Variants in STK3 observed in about 807,000 individuals in gnomAD.
STK3 encodes serine/threonine kinase 3.
STK3 carries 41 observed loss-of-function variants against 58.0 expected under a neutral mutation model. The observed-to-expected ratio is 0.71, with a 90% CI of 0.55 to 0.92. STK3 has a LOEUF of 0.92. STK3 is among the 40% of genes least tolerant of loss of function. The pLI is 0.00. For synonymous variants in STK3, 170 were observed against 191.0 expected, an observed-to-expected ratio of 0.89 and a Z score of 0.91; for missense variants, 479 against 602.7, an observed-to-expected ratio of 0.79 and a Z score of 2.15.
At chr8:98,437,214 A>C (rs566620326) in intron 1 of STK3, 1 of 152,412 alleles carries the variant, frequency 6.6e-6, no homozygotes, top group African/African-American at 2.4e-5. Context: ...TCTATCTAAA[A>C]GACAGAAAAG....
At chr8:98,709,173 A>C (rs1826201593) in intron 4 of STK3, among the ~76,000 whole-genome samples, 1 of 152,190 alleles carries the variant, frequency 6.6e-6, no homozygotes, top group South Asian at 2.1e-4. Flanking sequence ...AATTTGATAG[A>C]AAATAGGATA....
intron 4 of STK3, among the ~76,000 whole-genome samples, chr8:98,717,292 T>C (rs890201480): frequency 5.3e-5 from 8 of 151,774 alleles, no homozygotes; most frequent in Non-Finnish European, 7.4e-5. Context: ...GATAAGACAT[T>C]AATATACAGA....
Position 98,848,252 on chromosome 8 carries a change from CTT to C in STK3, c.110+35393_110+35394del, listed in dbSNP as rs368641269. 9.0e-3 allele frequency among the ~76,000 whole-genome samples: 1,293 copies of C among 144,250 alleles called. 11 individuals carry two copies. The highest frequency in any genetic ancestry group is 0.031 in the African/African-American group (1,213 of 39,660). The allele number at this position is 144,250 out of a possible 152,430, so 94.6% of individuals were successfully genotyped here. A position where few individuals can be genotyped will look rare whatever the true frequency, so the allele number is the denominator to read the frequency against. On this transcript the variant is annotated intron_variant, in intron 3 of 12. Transcript: ENST00000523601. ...GCAACTACTAATCTACTTTTTTTTT[CTT>C]TTTTTTTTTTGAGACAGAGTTTCGC...
At chr8:98,907,193 T>C (rs1390996624) in intron 1 of STK3, among the ~76,000 whole-genome samples, 1 of 148,564 alleles carries the variant, frequency 6.7e-6, no homozygotes, top group African/African-American at 2.5e-5. Flanking sequence ...TTACAGAAAA[T>C]TTCAAACACA....
chr8:98,629,672 T>C (rs1308311716), intron 6 of STK3, among the ~76,000 whole-genome samples: 1 of 152,136 alleles, frequency 6.6e-6, no homozygotes, highest in Admixed American at 6.5e-5. Context: ...ACTAGGATGG[T>C]AGTATTAAAA....
intron 3 of STK3, among the ~76,000 whole-genome samples, chr8:98,757,567 C>A (rs1326952063): frequency 4.7e-5 from 7 of 147,810 alleles, no homozygotes. Context: ...TGCATTCCAG[C>A]CTGGGCAACA....
rs1160516176 is a variant in STK3, at chr8:98,544,256, C to T, written c.1141+3713G>A. 2.6e-5 allele frequency among the ~76,000 whole-genome samples: 4 copies of T among 152,274 alleles called. No individual in the cohort carries two copies. In the South Asian group the frequency reaches 8.3e-4, roughly 32 times the overall value. On this transcript the variant is annotated intron_variant, in intron 9 of 10. Transcript: ENST00000419617. Reference sequence around the variant, plus strand: ...AAATGTGTTTCTCAGATGCTTATTACACAGGATGTTAATCACTGATACGTT... The same window carrying T: ...AAATGTGTTTCTCAGATGCTTATTATACAGGATGTTAATCACTGATACGTT...
intron 4 of STK3, among the ~76,000 whole-genome samples, chr8:98,717,071 G>A (rs1395160589): frequency 1.3e-5 from 2 of 151,486 alleles, no homozygotes; most frequent in Non-Finnish European, 2.9e-5. Context: ...CCACTCTTGG[G>A]AAAAAATAAA....
At chr8:98,370,022 C>T (rs1817595434), downstream of STK3, among the ~76,000 whole-genome samples, 1 of 151,126 alleles carries the variant, frequency 6.6e-6, no homozygotes, top group African/African-American at 2.4e-5. Flanking sequence ...CCCACCTGCA[C>T]AGATATGGGG....
Position 98,455,825 on chromosome 8 carries a change from C to T in STK3, c.*17G>A, listed in dbSNP as rs555433724. On this transcript the variant is annotated 3_prime_UTR_variant, in exon 11 of 11. Transcript: ENST00000419617. ...TCTTGGTCTCCAGAATAGTTAAAAA[C>T]AGAGAGGAAATTAGACTCAAAAGTT... 6.2e-7 allele frequency: 1 copy of T among 1,612,826 alleles called. No homozygotes were observed. The highest frequency in any genetic ancestry group is 8.5e-7 in the Non-Finnish European group (1 of 1,179,430).
rs139625080 is a variant in STK3, at chr8:98,649,919, C to T, written c.685-53750G>A. ...GTAATGTCTTTCAATTAGATTTTTA[C>T]GAATTTCTTCCTACAGAAGTGTACT... On this transcript the variant is annotated intron_variant, in intron 6 of 10. Transcript: ENST00000419617. Among the ~76,000 whole-genome samples, 1,320 of 152,228 alleles carry T rather than the reference C, an allele frequency of 8.7e-3. 17 individuals are homozygous for T. The highest frequency in any genetic ancestry group is 0.015 in the Admixed American group (231 of 15,290).
At chr8:98,364,804 A>G in the STK3 span, among the ~76,000 whole-genome samples, 1 of 152,114 alleles carries the variant, frequency 6.6e-6, no homozygotes, top group Non-Finnish European at 1.5e-5. Context: ...AGGCACCCAG[A>G]AGAGGTTAGC....
At chr8:98,431,061 G>A (rs1818318342) in intron 3 of STK3, 1 of 167,014 alleles carries the variant, frequency 6.0e-6, no homozygotes, top group South Asian at 2.1e-4. Flanking sequence ...AGAACCCAGG[G>A]GTCTGAGCAT....
intron 1 of STK3, among the ~76,000 whole-genome samples, chr8:98,791,436 C>G (rs1832795714): frequency 6.6e-6 from 1 of 152,168 alleles, no homozygotes; most frequent in South Asian, 2.1e-4. Context: ...CATCAAAATA[C>G]CACCATCATT....
At chr8:98,613,530 A>G (rs1034746113) in intron 6 of STK3, among the ~76,000 whole-genome samples, 17 of 152,284 alleles carry the variant, frequency 1.1e-4, no homozygotes, top group Middle Eastern at 6.8e-3. Context: ...ATTTATGTAC[A>G]TATAGAATAA....
At chr8:98,376,518 C>T (rs1174717617) in intron 2 of STK3, among the ~76,000 whole-genome samples, 2 of 152,098 alleles carry the variant, frequency 1.3e-5, no homozygotes, top group South Asian at 2.1e-4. Context: ...AGATTTTTTC[C>T]TATGTTTCCT....
intron 1 of STK3, among the ~76,000 whole-genome samples, chr8:98,902,067 CCATGATGT>C (rs1440870976): frequency 2.0e-5 from 3 of 152,148 alleles, no homozygotes; most frequent in Non-Finnish European, 2.9e-5. Flanking sequence ...CTCTTGGCTG[CCATGATGT>C]CATCCTCTCC....
chr8:98,912,075 T>C (rs182583859), intron 1 of STK3, among the ~76,000 whole-genome samples: 1 of 152,304 alleles, frequency 6.6e-6, no homozygotes, highest in Non-Finnish European at 1.5e-5. Context: ...GTCAGACAGT[T>C]GAAGATCAGA....
chr8:98,741,561 C>A (rs1365720146), intron 4 of STK3, among the ~76,000 whole-genome samples: 1 of 152,082 alleles, frequency 6.6e-6, no homozygotes, highest in Non-Finnish European at 1.5e-5. Context: ...AACAAAGACA[C>A]AACATACCAG....
Sources: allele counts gnomAD v4.1 joint callset (sites outside exome capture counted in the v4.1 genomes callset), GRCh38; gene constraint gnomAD v4.1.1; transcripts MANE v1.5; gene names NCBI Gene and HGNC (gene_info 2026-07-23, HGNC 2026-07-21).